MBNL1: variants seen among roughly 807,000 people sequenced by gnomAD.
MBNL1 encodes muscleblind-like protein 1.
Under a neutral mutation model 42.2 loss-of-function variants are expected in MBNL1, and 8 were observed. That is an observed-to-expected ratio of 0.19 (90% CI 0.11 to 0.34). The LOEUF (loss-of-function observed/expected upper bound fraction) is 0.34, where lower values mean the gene tolerates loss of function less well. Among genes scored for constraint, MBNL1 ranks in the 10% least tolerant of loss-of-function variants. The pLI is 1.00. For missense variants in MBNL1, 309 were observed against 495.3 expected (o/e 0.62, Z 3.57); for synonymous variants, 169 against 173.9 (o/e 0.97, Z 0.22).
intron 6 of MBNL1, chr3:152,449,135 A>G (rs1211117559): frequency 6.6e-6 from 1 of 152,212 alleles, no homozygotes; most frequent in Non-Finnish European, 1.5e-5. Context: ...CAAACAATCC[A>G]TCAGTTTTTC....
At chr3:152,249,676 G>A (rs1279662700) in intron 2 of MBNL1, among the ~76,000 whole-genome samples, 9 of 150,678 alleles carry the variant, frequency 6.0e-5, no homozygotes, top group African/African-American at 1.7e-4. Context: ...TGGTGTTTTA[G>A]ACATGAAGTC....
chr3:152,393,062 G>A (rs1161186293), intron 2 of MBNL1, among the ~76,000 whole-genome samples: 3 of 152,146 alleles, frequency 2.0e-5, no homozygotes, highest in Non-Finnish European at 4.4e-5. Context: ...TTGCCAAGAT[G>A]CCTCCCATAG....
intron 2 of MBNL1, among the ~76,000 whole-genome samples, chr3:152,370,580 C>G (rs1258758394): frequency 1.3e-5 from 2 of 152,070 alleles, no homozygotes; most frequent in African/African-American, 4.8e-5. Flanking sequence ...GTTGATCTGT[C>G]TAATATTGAC....
At chr3:152,443,485 T>TACACAC (rs150370083) in intron 4 of MBNL1, among the ~76,000 whole-genome samples, 7,097 of 144,932 alleles carry the variant, frequency 0.049, 200 homozygotes, top group Non-Finnish European at 0.064. Context: ...ATATTTAGCA[T>TACACAC]ACACACACAC....
At chr3:152,459,772 G>T (rs1350404832) in intron 9 of MBNL1, among the ~76,000 whole-genome samples, 2 of 152,112 alleles carry the variant, frequency 1.3e-5, no homozygotes, top group Non-Finnish European at 2.9e-5. Flanking sequence ...AATGGGTGTA[G>T]CTGTGTTCCA....
In MBNL1 at chr3:152,314,436, C is replaced by T. The variant is rs3755774; in HGVS notation, c.174+14069C>T. Among the ~76,000 whole-genome samples the T allele has an allele frequency of 7.4e-4, 112 of 151,164 alleles. 1 individual carries two copies. The East Asian group carries it at 0.015, about 20-fold the overall frequency. On this transcript the variant is annotated intron_variant, in intron 2 of 9. Transcript: ENST00000324210. Reference sequence around the variant, plus strand: ...TGTTGCCCAGGCTGGAGTACAATAGCGTGATCTTGGCTCACCGCAGCCTCC... The same window carrying T: ...TGTTGCCCAGGCTGGAGTACAATAGTGTGATCTTGGCTCACCGCAGCCTCC...
At chr3:152,306,264 A>G (rs763763357) in intron 2 of MBNL1, among the ~76,000 whole-genome samples, 2 of 151,760 alleles carry the variant, frequency 1.3e-5, no homozygotes, top group Non-Finnish European at 2.9e-5. Context: ...CACCTCCCCT[A>G]CCCTCCCCAG....
At chr3:152,392,056 T>C (rs2097741985) in intron 2 of MBNL1, among the ~76,000 whole-genome samples, 1 of 149,514 alleles carries the variant, frequency 6.7e-6, no homozygotes. Context: ...ACAGAGCTCA[T>C]CATTAAGTCC....
At chr3:152,287,632 T>G (rs1021041580) in intron 1 of MBNL1, among the ~76,000 whole-genome samples, 4 of 152,216 alleles carry the variant, frequency 2.6e-5, no homozygotes, top group Non-Finnish European at 5.9e-5. Context: ...AGTCACTGAT[T>G]CAGATAATCC....
chr3:152,402,602 A>G (rs937731249), intron 2 of MBNL1, among the ~76,000 whole-genome samples: 5 of 152,214 alleles, frequency 3.3e-5, no homozygotes, highest in East Asian at 3.9e-4. Context: ...AGGTGACCAT[A>G]TTGTTTACTT....
intron 2 of MBNL1, among the ~76,000 whole-genome samples, chr3:152,314,577 G>A (rs1357504512): frequency 6.6e-6 from 1 of 152,134 alleles, no homozygotes; most frequent in Non-Finnish European, 1.5e-5. Flanking sequence ...GTTTCTCCTT[G>A]TTGGTCAGGC....
At chr3:152,436,403 C>T (rs2099078882) in intron 4 of MBNL1, among the ~76,000 whole-genome samples, 1 of 152,162 alleles carries the variant, frequency 6.6e-6, no homozygotes, top group African/African-American at 2.4e-5. Flanking sequence ...AGTGATTTGT[C>T]ATTACACAAC....
intron 1 of MBNL1, among the ~76,000 whole-genome samples, chr3:152,286,351 AATATTT>A (rs1391796035): frequency 1.4e-5 from 2 of 142,190 alleles, no homozygotes; most frequent in African/African-American, 5.1e-5. Context: ...TTATAATATA[AATATTT>A]ATATTTTATT....
At chr3:152,346,218 A>G (rs953425363) in intron 2 of MBNL1, among the ~76,000 whole-genome samples, 1 of 152,114 alleles carries the variant, frequency 6.6e-6, no homozygotes, top group Non-Finnish European at 1.5e-5. Flanking sequence ...ATGTGAAGTT[A>G]TGTCCTTGGG....
intron 2 of MBNL1, among the ~76,000 whole-genome samples, chr3:152,369,494 G>A (rs1015361729): frequency 3.3e-5 from 5 of 152,118 alleles, no homozygotes; most frequent in Non-Finnish European, 7.4e-5. Flanking sequence ...GTCTCTGGAG[G>A]TTTTTGGTAT....
intron 2 of MBNL1, among the ~76,000 whole-genome samples, chr3:152,368,790 T>C (rs1402749007): frequency 6.6e-6 from 1 of 152,176 alleles, no homozygotes; most frequent in Non-Finnish European, 1.5e-5. Flanking sequence ...TAAATGGGAG[T>C]TCACTCATGA....
At chr3:152,316,019 T>C (rs2071003188) in intron 2 of MBNL1, among the ~76,000 whole-genome samples, 1 of 152,210 alleles carries the variant, frequency 6.6e-6, no homozygotes, top group African/African-American at 2.4e-5. Context: ...TCCTTATCAG[T>C]TATTTCTCGT....
At position 152,438,896 on chromosome 3, in the gene MBNL1, G is replaced by A. The variant is rs370262130; in HGVS notation, c.549+5976G>A. On this transcript the variant is annotated intron_variant, in intron 4 of 9. Transcript: ENST00000324210. ...TAGGTAAACAATGATGACTGTTAAG[G>A]TAATTCATATTACATAGGCGTAATC... is the stretch of plus-strand genomic sequence containing the variant. 6.0e-4 allele frequency among the ~76,000 whole-genome samples: 92 copies of A among 152,226 alleles called. No individual in the cohort carries two copies. In the South Asian group the frequency reaches 0.019, roughly 31 times the overall value.
chr3:152,458,469 AT>A, intron 8 of MBNL1: 1 of 393,044 alleles, frequency 2.5e-6, no homozygotes, highest in East Asian at 5.3e-5. Context: ...GCATAGAGTA[AT>A]GAGTTGCTTT....
Sources: allele counts gnomAD v4.1 joint callset (sites outside exome capture counted in the v4.1 genomes callset), GRCh38; gene constraint gnomAD v4.1.1; transcripts MANE v1.5; gene names NCBI Gene and HGNC (gene_info 2026-07-23, HGNC 2026-07-21).